The following ABTB2 variants were observed in gnomAD, a reference collection of about 807,000 sequenced individuals.
ABTB2 encodes the protein ankyrin repeat and BTB domain containing 2.
In ABTB2, 56 loss-of-function variants were observed where a neutral mutation model predicts 104.1. That is an observed-to-expected ratio of 0.54 (90% CI 0.43 to 0.67). The LOEUF (loss-of-function observed/expected upper bound fraction) is 0.67, where lower values mean the gene tolerates loss of function less well. Among genes scored for constraint, ABTB2 ranks in the 30% least tolerant of loss-of-function variants. The probability of loss-of-function intolerance (pLI) is 0.00; values close to 1 mark genes in which losing one functional copy is unlikely to be tolerated. For missense variants in ABTB2, 1,279 were observed against 1,407.7 expected, an observed-to-expected ratio of 0.91 and a Z score of 1.46; for synonymous variants, 606 against 608.2, an observed-to-expected ratio of 1.00 and a Z score of 0.05.
chr11:34,302,078 G>A (rs1165332124), intron 1 of ABTB2, among the ~76,000 whole-genome samples: 1 of 152,166 alleles, frequency 6.6e-6, no homozygotes, highest in Non-Finnish European at 1.5e-5. Context: ...TCACGTGTGT[G>A]TACACCCCCA....
At chr11:34,318,612 G>A (rs368617042) in intron 1 of ABTB2, among the ~76,000 whole-genome samples, 10 of 152,258 alleles carry the variant, frequency 6.6e-5, no homozygotes, top group East Asian at 5.8e-4. Flanking sequence ...ACACAATGAC[G>A]TCATAATAAA....
intron 1 of ABTB2, among the ~76,000 whole-genome samples, chr11:34,302,304 T>C (rs1854716612): frequency 6.6e-6 from 1 of 152,270 alleles, no homozygotes; most frequent in Non-Finnish European, 1.5e-5. Flanking sequence ...CCAAGTGCTA[T>C]GATTTATTTA....
In ABTB2 at chr11:34,164,788, C is replaced by T. The variant is rs753330566; in HGVS notation, c.1886G>A (p.Arg629Gln). Reference sequence around the variant, plus strand: ...CATGCTGAGGAGGGGGTCGGCGCCTCGGCTCAGCAACAAACTGACCAGCTC... The same window carrying T: ...CATGCTGAGGAGGGGGTCGGCGCCTTGGCTCAGCAACAAACTGACCAGCTC... ...NYELVSLLLSRGADPLLSMLE... is the reference protein window; with the variant it reads ...NYELVSLLLSQGADPLLSMLE... The change falls in exon 9 of 17, where the codon CGA becomes CAA. Residue 629 changes from arginine to glutamine, a missense_variant. Coordinates refer to ENST00000435224, the MANE Select transcript of ABTB2 (RefSeq NM_145804.3). The T allele has an allele frequency of 2.5e-5, 39 of 1,577,796 alleles. No homozygotes were observed. The highest frequency in any genetic ancestry group is 4.2e-5 in the African/African-American group (3 of 71,954).
chr11:34,168,649 C>T (rs968177087), intron 5 of ABTB2, among the ~76,000 whole-genome samples: 2 of 152,218 alleles, frequency 1.3e-5, no homozygotes, highest in Non-Finnish European at 2.9e-5. Context: ...AGGTTGAACT[C>T]GGGGCAGGAA....
At chr11:34,162,851 GCAGTGCCCACCTGAGCTGTCCCC>G (rs1284394902) in intron 9 of ABTB2, 46 bp from the exon 10 acceptor site, 21 of 1,534,016 alleles carry the variant, frequency 1.4e-5, no homozygotes, top group Admixed American at 3.7e-5. Context: ...AGTCCCACAG[GCAGTGCCCACCTGAGCTGTCCCC>G]CAGTGCCCTC....
chr11:34,227,286 G>A (rs200174477), intron 1 of ABTB2, among the ~76,000 whole-genome samples: 1,572 of 124,478 alleles, frequency 0.013, 2 homozygotes, highest in Middle Eastern at 0.035. Context: ...AAAAAAAAAA[G>A]AAAAAAAAAA....
intron 1 of ABTB2, among the ~76,000 whole-genome samples, chr11:34,229,686 A>G (rs1853744421): frequency 6.6e-6 from 1 of 152,186 alleles, no homozygotes; most frequent in Admixed American, 6.5e-5. Flanking sequence ...TTACTTTAGC[A>G]CTATAAGAAT....
At chr11:34,330,457 T>C (rs550993923) in intron 1 of ABTB2, among the ~76,000 whole-genome samples, 2 of 152,362 alleles carry the variant, frequency 1.3e-5, no homozygotes, top group Middle Eastern at 3.4e-3. Flanking sequence ...GTGTCTGATA[T>C]ATAGAAAGAC....
intron 1 of ABTB2, among the ~76,000 whole-genome samples, chr11:34,314,678 C>T (rs563781739): frequency 2.9e-4 from 44 of 152,302 alleles, no homozygotes; most frequent in African/African-American, 1.1e-3. Context: ...GCTCAACCTC[C>T]CCCTGGTATC....
intron 1 of ABTB2, among the ~76,000 whole-genome samples, chr11:34,216,850 T>C (rs1023050336): frequency 6.6e-6 from 1 of 152,210 alleles, no homozygotes; most frequent in Non-Finnish European, 1.5e-5. Context: ...TCAGACCAAA[T>C]TGAGGACTAG....
intron 1 of ABTB2, among the ~76,000 whole-genome samples, chr11:34,233,140 A>G (rs987303778): frequency 6.6e-6 from 1 of 152,164 alleles, no homozygotes; most frequent in Non-Finnish European, 1.5e-5. Context: ...CTTCCTGCTA[A>G]CAGTCCACCA....
rs773549724 is a variant in ABTB2, at chr11:34,159,319, C to G, written c.2674G>C (p.Asp892His). Residue 892 changes from aspartate to histidine, a missense_variant, in exon 14 of 17, where the codon GAC (aspartate) becomes CAC (histidine). Coordinates refer to ENST00000435224, the MANE Select transcript of ABTB2 (RefSeq NM_145804.3). ...GDSSKTIEIS[D>H]MKYHIFQMMM... ...ACCTGAAAAATGTGGTACTTCATGT[C>G]GCTGATCTCGATGGTCTTGCTGCTG... 2.9e-5 allele frequency: 46 copies of G among 1,613,778 alleles called. 2 individuals carry two copies. In the South Asian group the frequency reaches 5.1e-4, roughly 18 times the overall value.
At chr11:34,158,917 G>T in intron 14 of ABTB2, among the ~76,000 whole-genome samples, 1 of 152,190 alleles carries the variant, frequency 6.6e-6, no homozygotes, top group East Asian at 1.9e-4. Context: ...ATGCAGGAGG[G>T]CTGGGGTGGG....
At chr11:34,351,670 C>T (rs1855399897) in intron 1 of ABTB2, among the ~76,000 whole-genome samples, 1 of 152,068 alleles carries the variant, frequency 6.6e-6, no homozygotes, top group African/African-American at 2.4e-5. Context: ...ATCATTTGCC[C>T]ATCATTTATA....
intron 1 of ABTB2, among the ~76,000 whole-genome samples, chr11:34,285,526 G>T (rs1291528093): frequency 6.6e-6 from 1 of 152,080 alleles, no homozygotes; most frequent in East Asian, 1.9e-4. Flanking sequence ...CACCTCAAAA[G>T]GTTTGTAGTT....
chr11:34,294,411 G>A (rs1158813773), intron 1 of ABTB2, among the ~76,000 whole-genome samples: 1 of 152,214 alleles, frequency 6.6e-6, no homozygotes, highest in Non-Finnish European at 1.5e-5. Context: ...ACCATATGAA[G>A]AGTGATTTCA....
At chr11:34,279,677 C>A (rs184491505) in intron 1 of ABTB2, among the ~76,000 whole-genome samples, 2 of 151,882 alleles carry the variant, frequency 1.3e-5, no homozygotes, top group Non-Finnish European at 2.9e-5. Context: ...GATGTTAAGA[C>A]AAAAGGCCCG....
intron 9 of ABTB2, 125 bp from the exon 10 acceptor site, chr11:34,162,930 A>G: frequency 1.1e-6 from 1 of 895,908 alleles, no homozygotes; most frequent in Admixed American, 2.5e-5. Flanking sequence ...TCGGAGTTTC[A>G]TGGTCTTCCT....
intron 1 of ABTB2, among the ~76,000 whole-genome samples, chr11:34,279,284 T>C (rs754044751): frequency 6.6e-6 from 1 of 152,226 alleles, no homozygotes; most frequent in African/African-American, 2.4e-5. Flanking sequence ...TCTTTTTAAA[T>C]AGAGATGGGG....
Sources: allele counts gnomAD v4.1 joint callset (sites outside exome capture counted in the v4.1 genomes callset), GRCh38; gene constraint gnomAD v4.1.1; transcripts MANE v1.5; gene names NCBI Gene and HGNC (gene_info 2026-07-23, HGNC 2026-07-21).